SLCO2A1: variants seen among roughly 807,000 people sequenced by gnomAD.
SLCO2A1 encodes solute carrier organic anion transporter family member 2A1, also known as matrin F/G 1.
Under a neutral mutation model 71.7 loss-of-function variants are expected in SLCO2A1, and 60 were observed. The ratio of observed to expected loss-of-function variants is 0.84; its 90% CI spans 0.68 to 1.04. The LOEUF (loss-of-function observed/expected upper bound fraction) is 1.04. SLCO2A1 is among the 50% of genes least tolerant of loss of function. The pLI, the probability that SLCO2A1 is intolerant of heterozygous loss-of-function variation, is 0.00. For missense variants in SLCO2A1, 745 were observed against 813.4 expected (o/e 0.92, Z 1.02); for synonymous variants, 308 against 326.7 (o/e 0.94, Z 0.62).
chr3:134,029,750 C>T lies in SLCO2A1; in HGVS notation c.53G>A (p.Ser18Asn). The T allele has an allele frequency of 6.3e-7, 1 of 1,585,530 alleles. No homozygotes were observed. The highest frequency in any genetic ancestry group is 8.5e-7 in the Non-Finnish European group (1 of 1,170,370). The change falls in exon 1 of 14, where the codon AGC becomes AAC. Residue 18 changes from serine (S) to asparagine (N), a missense_variant. Coordinates refer to ENST00000310926, the MANE Select transcript of SLCO2A1 (RefSeq NM_005630.3). ...GASQGSDTST[S>N]RAGRCARSVF... The stretch of plus-strand genomic sequence containing the variant: ...CGAGCGGGCACAGCGGCCGGCTCGG[C>T]TAGTAGAGGTGTCGCTGCCCTGGGA...
chr3:133,986,387 T>A (rs1576447747), intron 1 of SLCO2A1, among the ~76,000 whole-genome samples: 1 of 152,222 alleles, frequency 6.6e-6, no homozygotes, highest in Non-Finnish European at 1.5e-5. Context: ...TGTGTGCTAA[T>A]CTAAACATCT....
intron 1 of SLCO2A1, among the ~76,000 whole-genome samples, chr3:134,027,115 A>G (rs993433668): frequency 6.6e-6 from 1 of 152,212 alleles, no homozygotes; most frequent in African/African-American, 2.4e-5. Context: ...GTCTTGCAAG[A>G]AGACACAGGT....
chr3:134,019,218 C>T (rs1404770015), intron 1 of SLCO2A1, among the ~76,000 whole-genome samples: 1 of 152,154 alleles, frequency 6.6e-6, no homozygotes, highest in Non-Finnish European at 1.5e-5. Flanking sequence ...TATAGTCCAC[C>T]CCTTTCTGGT....
Position 134,029,776 on chromosome 3 carries a change from C to T in SLCO2A1, c.27G>A (p.Ala9=). The change falls in exon 1 of 14, where the codon GCG becomes GCA. Residue 9 remains alanine (A), a synonymous_variant. Transcript: ENST00000310926. ...TAGTAGAGGTGTCGCTGCCCTGGGA[C>T]GCGCCGAGCTTGGGCAGGAGCCCCA... The part of the protein sequence containing the change: MGLLPKLG[A]SQGSDTSTSR... 6.4e-7 allele frequency: 1 copy of T among 1,552,854 alleles called. No homozygotes were observed. The highest frequency in any genetic ancestry group is 8.7e-7 in the Non-Finnish European group (1 of 1,155,272).
chr3:133,937,104 T>C (rs1933288340), intron 12 of SLCO2A1, among the ~76,000 whole-genome samples: 1 of 151,630 alleles, frequency 6.6e-6, no homozygotes, highest in Admixed American at 6.6e-5. Context: ...TGCGAGAGAG[T>C]CCGAGAGAGT....
chr3:133,936,103 G>T (rs1201536274), intron 12 of SLCO2A1, among the ~76,000 whole-genome samples: 1 of 152,202 alleles, frequency 6.6e-6, no homozygotes, highest in African/African-American at 2.4e-5. Context: ...AAGACAAAAG[G>T]GACCTGGGCC....
In SLCO2A1 at chr3:133,960,121, AAAAT is replaced by A. The variant is rs59630146; in HGVS notation, c.398-4932_398-4929del. Among the ~76,000 whole-genome samples, 193 of 149,196 alleles carry A rather than the reference AAAAT, an allele frequency of 1.3e-3. 2 individuals carry two copies. The highest frequency in any genetic ancestry group is 2.4e-3 in the African/African-American group (96 of 40,546). Reference sequence around the variant, plus strand: ...GGTGACAGAGCGAGACTCCGTCTCAAAAATAAATAAATAAATAAATAAATAAATA... The same window carrying A: ...GGTGACAGAGCGAGACTCCGTCTCAAAAATAAATAAATAAATAAATAAATA... On this transcript the variant is annotated intron_variant, in intron 3 of 13. Transcript: ENST00000310926.
At chr3:133,975,986 G>A (rs760534709) in intron 2 of SLCO2A1, among the ~76,000 whole-genome samples, 10 of 152,164 alleles carry the variant, frequency 6.6e-5, no homozygotes, top group Non-Finnish European at 1.0e-4. Context: ...AATGATATAT[G>A]AGCAGAGATT....
chr3:133,953,062 A>G (rs1933787954), intron 5 of SLCO2A1, among the ~76,000 whole-genome samples: 1 of 151,860 alleles, frequency 6.6e-6, no homozygotes, highest in African/African-American at 2.4e-5. Context: ...TTTCAGACAG[A>G]GTCTCACTCT....
rs779383405 is a variant in SLCO2A1 at position 133,942,749 on chromosome 3, C to G, written c.1481G>C (p.Cys494Ser). ...SKQLIYLNCS[C>S]VTGGSASAKT... The stretch of plus-strand genomic sequence containing the variant: ...TGCTGAAGCGGATCCCCCGGTCACA[C>G]AGCTGCAGTTCAAATAGATCTTCAA... Residue 494 changes from cysteine (C) to serine (S), a missense_variant, in exon 11 of 14, where the codon TGT (cysteine) becomes TCT (serine). Cys to Ser is a moderately radical substitution (Grantham distance 112). Coordinates refer to ENST00000310926, the MANE Select transcript of SLCO2A1 (RefSeq NM_005630.3). 1 of 1,605,810 alleles carries G rather than the reference C, an allele frequency of 6.2e-7. No homozygotes were observed. Among genetic ancestry groups the G allele is most frequent in the Non-Finnish European group, 8.5e-7 (1 of 1,177,274 alleles).
chr3:134,017,356 T>C (rs1935476309), intron 1 of SLCO2A1, among the ~76,000 whole-genome samples: 1 of 152,190 alleles, frequency 6.6e-6, no homozygotes. Context: ...AATCATTTTG[T>C]CTGGCACTAG....
intron 13 of SLCO2A1, 108 bp from the exon 14 acceptor site, chr3:133,934,938 A>C: frequency 1.2e-6 from 1 of 824,024 alleles, no homozygotes; most frequent in Non-Finnish European, 2.0e-6. Flanking sequence ...GGCCCGCGGA[A>C]GGTGTGGGCA....
intron 1 of SLCO2A1, among the ~76,000 whole-genome samples, chr3:133,988,368 T>C (rs1020796450): frequency 6.6e-6 from 1 of 152,200 alleles, no homozygotes; most frequent in Non-Finnish European, 1.5e-5. Context: ...CCCAACCAAC[T>C]GTCAATCAGA....
intron 3 of SLCO2A1, among the ~76,000 whole-genome samples, chr3:133,961,579 A>G (rs187648594): frequency 6.6e-6 from 1 of 152,340 alleles, no homozygotes; most frequent in East Asian, 1.9e-4. Flanking sequence ...ATCCTCATGA[A>G]GTTCATCTCA....
rs1934384956 is a variant in SLCO2A1 at position 133,973,732 on chromosome 3, C to T, written c.328G>A (p.Ala110Thr). The change falls in exon 3 of 14, where the codon GCA becomes ACA. Residue 110 changes from alanine to threonine, a missense_variant. Ala to Thr is a moderately conservative substitution (Grantham distance 58). Coordinates refer to ENST00000310926, the MANE Select transcript of SLCO2A1 (RefSeq NM_005630.3). ...LIGIGGLFLA[A>T]GAFILTLPHF... The stretch of plus-strand genomic sequence containing the variant: ...GGGAGGGTGAGGATGAAGGCACCTG[C>T]AGCCAGGAAGAGACCTCCGATGCCA... 6.2e-7 allele frequency: 1 copy of T among 1,614,128 alleles called. No individual in the cohort carries two copies. Among genetic ancestry groups the T allele is most frequent in the Non-Finnish European group, 8.5e-7 (1 of 1,180,020 alleles).
chr3:133,989,320 C>T (rs566113658), intron 1 of SLCO2A1, among the ~76,000 whole-genome samples: 1 of 152,284 alleles, frequency 6.6e-6, no homozygotes, highest in African/African-American at 2.4e-5. Flanking sequence ...GTGTTTCATT[C>T]CTTTGGTACT....
At chr3:133,986,773 A>G (rs1480095632) in intron 1 of SLCO2A1, among the ~76,000 whole-genome samples, 1 of 152,260 alleles carries the variant, frequency 6.6e-6, no homozygotes, top group African/African-American at 2.4e-5. Context: ...AAGTGAGATG[A>G]CCATGGTGGA....
chr3:133,953,529 A>C lies in SLCO2A1; in HGVS notation c.724+134T>G, dbSNP rs1007108041. 23 of 678,178 alleles carry C rather than the reference A, an allele frequency of 3.4e-5. No homozygotes were observed. The Admixed American group carries it at 5.0e-4, about 15-fold the overall frequency. 42.0% of individuals were successfully genotyped at this position (678,178 alleles called of 1,614,324 possible). ...CCTGGCTCTCCGAGGGACTGCAGGGATGAGTGAGCGAGTGAGGAGGTGGCA... is the reference window on the plus strand; with the variant it reads ...CCTGGCTCTCCGAGGGACTGCAGGGCTGAGTGAGCGAGTGAGGAGGTGGCA... On this transcript the variant is annotated intron_variant, in intron 5 of 13. Coordinates refer to ENST00000310926, the MANE Select transcript of SLCO2A1 (RefSeq NM_005630.3).
chr3:133,997,801 G>A (rs1045602775), intron 1 of SLCO2A1, among the ~76,000 whole-genome samples: 1 of 152,254 alleles, frequency 6.6e-6, no homozygotes, highest in Non-Finnish European at 1.5e-5. Flanking sequence ...GTAAGGGCAT[G>A]AGCTTTGTTG....
Sources: gnomAD v4.1 joint callset for allele counts (sites outside exome capture counted in the v4.1 genomes callset) on GRCh38, gnomAD v4.1.1 for gene constraint, MANE v1.5 for transcripts, NCBI Gene and HGNC (gene_info 2026-07-23, HGNC 2026-07-21) for gene names.